The following SUCLG1 variants were observed in gnomAD, a reference collection of about 807,000 sequenced individuals.
SUCLG1 encodes the protein succinate--CoA ligase [ADP/GDP-forming] subunit alpha, mitochondrial.
Under a neutral mutation model 37.3 loss-of-function variants are expected in SUCLG1, and 26 were observed. That is an observed-to-expected ratio of 0.70 (90% CI 0.51 to 0.97). The LOEUF (loss-of-function observed/expected upper bound fraction) is 0.97. Among genes scored for constraint, SUCLG1 ranks in the 50% least tolerant of loss-of-function variants. SUCLG1 has a pLI of 0.00. For synonymous variants in SUCLG1, 163 were observed against 155.6 expected (o/e 1.05, Z -0.36); for missense variants, 433 against 432.9 (o/e 1.00, Z 0.00).
At chr2:84,430,410 G>A (rs1355526433) in intron 7 of SUCLG1, among the ~76,000 whole-genome samples, 1 of 152,192 alleles carries the variant, frequency 6.6e-6, no homozygotes, top group Non-Finnish European at 1.5e-5. Flanking sequence ...GAGCCTGATT[G>A]CTGAGGATTC....
At chr2:84,450,864 A>G (rs2104265467) in intron 1 of SUCLG1, among the ~76,000 whole-genome samples, 1 of 152,324 alleles carries the variant, frequency 6.6e-6, no homozygotes, top group South Asian at 2.1e-4. Context: ...TTACACCTCT[A>G]GGGAGAAGAC....
At chr2:84,454,298 G>C (rs1672987152) in intron 1 of SUCLG1, among the ~76,000 whole-genome samples, 1 of 152,180 alleles carries the variant, frequency 6.6e-6, no homozygotes, top group African/African-American at 2.4e-5. Flanking sequence ...ATACCTCTAA[G>C]TTTTTAACAT....
At chr2:84,431,009 T>C (rs887973979) in intron 7 of SUCLG1, among the ~76,000 whole-genome samples, 5 of 152,138 alleles carry the variant, frequency 3.3e-5, no homozygotes, top group African/African-American at 9.7e-5. Context: ...CCCCAGGACA[T>C]AGACAGTAAA....
At chr2:84,426,169 A>C (rs1006744419) in intron 7 of SUCLG1, 1 of 161,314 alleles carries the variant, frequency 6.2e-6, no homozygotes, top group African/African-American at 2.4e-5. Flanking sequence ...GATGCCCAAA[A>C]GCCCTTTCCA....
At chr2:84,454,806 G>A (rs962430356) in intron 1 of SUCLG1, among the ~76,000 whole-genome samples, 1 of 152,150 alleles carries the variant, frequency 6.6e-6, no homozygotes, top group African/African-American at 2.4e-5. Context: ...GATGAATGAT[G>A]CAATCTATGG....
At chr2:84,441,189 A>G in intron 4 of SUCLG1, 58 bp downstream of exon 4, 1 of 1,612,492 alleles carries the variant, frequency 6.2e-7, no homozygotes, top group Admixed American at 1.7e-5. Flanking sequence ...ATTCACTCAA[A>G]GCTGTTTAGC....
intron 2 of SUCLG1, among the ~76,000 whole-genome samples, chr2:84,444,012 C>T (rs1558612627): frequency 1.3e-5 from 2 of 152,144 alleles, no homozygotes; most frequent in Non-Finnish European, 2.9e-5. Context: ...GAGAGGTCAT[C>T]CAGTGCCTAG....
chr2:84,454,044 AT>A (rs1280719316), intron 1 of SUCLG1, among the ~76,000 whole-genome samples: 1 of 152,208 alleles, frequency 6.6e-6, no homozygotes, highest in Admixed American at 6.5e-5. Context: ...TGATATTAAT[AT>A]GAAATTACTC....
rs2104243084 is a variant in SUCLG1 at position 84,431,384 on chromosome 2, G to T, written c.825+124C>A. On this transcript the variant is annotated intron_variant, in intron 7 of 8. Transcript: ENST00000393868. ...CTGAGTGTCCAGTATAGAAGGCCCT[G>T]CTCAGAAAGTTTTATCTTTCATGTT... The T allele has an allele frequency of 1.6e-5, 20 of 1,267,860 alleles. 1 individual carries two copies. The South Asian group carries it at 2.4e-4, about 15-fold the overall frequency. The allele number at this position is 1,267,860 out of a possible 1,614,324, so 78.5% of individuals were successfully genotyped here. A position where few individuals can be genotyped will look rare whatever the true frequency, so the allele number is the denominator to read the frequency against.
At position 84,423,761 on chromosome 2, in the gene SUCLG1, C is replaced by G. The variant is rs1224105669; in HGVS notation, c.1026G>C (p.Lys342Asn). 2.5e-6 allele frequency: 4 copies of G among 1,606,190 alleles called. No individual in the cohort carries two copies. In the Admixed American group the frequency reaches 6.7e-5, roughly 27 times the overall value. Residue 342 changes from lysine to asparagine, a missense_variant, in exon 9 of 9, where the codon AAG (lysine) becomes AAC (asparagine). Coordinates refer to ENST00000393868, the MANE Select transcript of SUCLG1 (RefSeq NM_003849.4). ...LGTTIYKEFE[K>N]RKML Reference sequence around the variant, plus strand: ...TTTTTTTCTTTCATAGCATCTTCCTCTTTTCAAATTCCTTCAGAAACAGAA... The same window carrying G: ...TTTTTTTCTTTCATAGCATCTTCCTGTTTTCAAATTCCTTCAGAAACAGAA...
chr2:84,441,591 A>G (rs1672774550), intron 3 of SUCLG1, 132 bp from the exon 4 acceptor site: 1 of 1,058,308 alleles, frequency 9.4e-7, no homozygotes, highest in Admixed American at 2.0e-5. Context: ...CATTCTTCCC[A>G]TTCTCAAATT....
At chr2:84,447,530 T>C (rs1039660536) in intron 2 of SUCLG1, among the ~76,000 whole-genome samples, 1 of 152,174 alleles carries the variant, frequency 6.6e-6, no homozygotes, top group Non-Finnish European at 1.5e-5. Context: ...AAAAATTATA[T>C]ATAATAAATT....
chr2:84,443,832 GA>G (rs11324100), intron 2 of SUCLG1, among the ~76,000 whole-genome samples: 8,048 of 149,070 alleles, frequency 0.054, 462 homozygotes, highest in African/African-American at 0.14. Flanking sequence ...GTGGCTAAGG[GA>G]AAAAAAAACA....
intron 2 of SUCLG1, 93 bp from the exon 3 acceptor site, chr2:84,443,493 C>A (rs1184414751): frequency 9.9e-7 from 1 of 1,009,042 alleles, no homozygotes; most frequent in Non-Finnish European, 1.6e-6. Flanking sequence ...AAAAGAAAAA[C>A]AAATAGGTTA....
chr2:84,458,014 C>G (rs529460014), intron 1 of SUCLG1, among the ~76,000 whole-genome samples: 1 of 151,866 alleles, frequency 6.6e-6, no homozygotes, highest in South Asian at 2.1e-4. Flanking sequence ...GGAATTAAGT[C>G]TCATAAAATA....
At chr2:84,454,060 A>T (rs140658357) in intron 1 of SUCLG1, among the ~76,000 whole-genome samples, 70 of 152,316 alleles carry the variant, frequency 4.6e-4, no homozygotes, top group African/African-American at 1.5e-3. Context: ...TTACTCCTTA[A>T]ATTGGCACCA....
At chr2:84,458,556 A>C (rs1295084026) in intron 1 of SUCLG1, 1 of 152,230 alleles carries the variant, frequency 6.6e-6, no homozygotes, top group African/African-American at 2.4e-5. Flanking sequence ...GGATGTGTCC[A>C]CAAATCGCCT....
At chr2:84,447,632 G>A (rs994936619) in intron 2 of SUCLG1, among the ~76,000 whole-genome samples, 1 of 152,148 alleles carries the variant, frequency 6.6e-6, no homozygotes, top group African/African-American at 2.4e-5. Flanking sequence ...CATCAACTGG[G>A]AAGGGGATAA....
chr2:84,441,026 G>C, intron 5 of SUCLG1, 21 bp downstream of exon 5: 1 of 1,611,932 alleles, frequency 6.2e-7, no homozygotes, highest in South Asian at 1.1e-5. Flanking sequence ...TAATCTATAA[G>C]AATGTAACAA....
Sources: gnomAD v4.1 joint callset for allele counts (sites outside exome capture counted in the v4.1 genomes callset) on GRCh38, gnomAD v4.1.1 for gene constraint, MANE v1.5 for transcripts, NCBI Gene and HGNC (gene_info 2026-07-23, HGNC 2026-07-21) for gene names.